Variants in NOL4 observed in about 807,000 individuals in gnomAD.
NOL4 encodes cancer/testis antigen 125.
Under a neutral mutation model 75.9 loss-of-function variants are expected in NOL4, and 17 were observed. The observed-to-expected ratio is 0.22, with a 90% confidence interval of 0.15 to 0.34. NOL4 has a LOEUF of 0.34. Among genes scored for constraint, NOL4 ranks in the 10% least tolerant of loss-of-function variants. The pLI is 1.00. For synonymous variants in NOL4, 292 were observed against 289.9 expected (o/e 1.01, Z -0.07); for missense variants, 614 against 793.5 (o/e 0.77, Z 2.72).
chr18:33,990,120 T>C (rs1394264978), intron 6 of NOL4, among the ~76,000 whole-genome samples: 2 of 152,050 alleles, frequency 1.3e-5, no homozygotes, highest in Non-Finnish European at 2.9e-5. Flanking sequence ...AAGTGTATGA[T>C]GAAAAATCAA....
intron 1 of NOL4, among the ~76,000 whole-genome samples, chr18:34,213,049 G>T (rs1171302412): frequency 6.6e-6 from 1 of 152,050 alleles, no homozygotes; most frequent in East Asian, 1.9e-4. Context: ...ACACTCAAAG[G>T]AGAAGGGATT....
intron 10 of NOL4, among the ~76,000 whole-genome samples, chr18:33,854,637 T>A (rs532839586): frequency 6.6e-6 from 1 of 152,008 alleles, no homozygotes; most frequent in South Asian, 2.1e-4. Flanking sequence ...GTTTTGTTTT[T>A]CTTTATATTT....
intron 10 of NOL4, among the ~76,000 whole-genome samples, chr18:33,868,745 T>G (rs2063553158): frequency 1.3e-5 from 2 of 151,132 alleles, no homozygotes; most frequent in Non-Finnish European, 2.9e-5. Context: ...TTTAAAAACT[T>G]GGGACAATGA....
chr18:33,885,158 T>C (rs1408772336), intron 9 of NOL4, among the ~76,000 whole-genome samples: 9 of 152,202 alleles, frequency 5.9e-5, no homozygotes, highest in African/African-American at 1.9e-4. Context: ...GCATTACTTT[T>C]TTTAAAAAAA....
chr18:34,106,240 C>G (rs1264296719), intron 2 of NOL4, among the ~76,000 whole-genome samples: 1 of 152,006 alleles, frequency 6.6e-6, no homozygotes, highest in Non-Finnish European at 1.5e-5. Context: ...GGTGCTAGTT[C>G]TCTTAGTGGT....
chr18:34,197,911 T>C (rs1464552732), intron 1 of NOL4, among the ~76,000 whole-genome samples: 5 of 151,934 alleles, frequency 3.3e-5, no homozygotes, highest in Non-Finnish European at 7.4e-5. Context: ...TTTTATCATG[T>C]GGGTTGTTAA....
intron 9 of NOL4, among the ~76,000 whole-genome samples, chr18:33,910,915 C>T (rs1198997161): frequency 6.6e-6 from 1 of 152,146 alleles, no homozygotes; most frequent in Non-Finnish European, 1.5e-5. Context: ...CACCTATCTC[C>T]TGGAGACTTC....
intron 2 of NOL4, among the ~76,000 whole-genome samples, chr18:34,128,450 T>C (rs533579452): frequency 1.6e-4 from 24 of 151,980 alleles, no homozygotes; most frequent in Non-Finnish European, 3.1e-4. Context: ...TAGATCAATA[T>C]ACATTTATTT....
intron 6 of NOL4, among the ~76,000 whole-genome samples, chr18:33,966,701 C>G (rs1157833290): frequency 6.6e-6 from 1 of 152,050 alleles, no homozygotes; most frequent in Admixed American, 6.6e-5. Flanking sequence ...AATGTTCAAG[C>G]TGAGAGCCAA....
intron 9 of NOL4, among the ~76,000 whole-genome samples, chr18:33,924,730 T>A (rs2067228543): frequency 6.6e-6 from 1 of 152,190 alleles, no homozygotes. Flanking sequence ...ATTACAATGT[T>A]AGCGGGGAAT....
At chr18:33,948,809 T>A (rs561132738) in intron 8 of NOL4, among the ~76,000 whole-genome samples, 1 of 152,056 alleles carries the variant, frequency 6.6e-6, no homozygotes. Context: ...GTCTCTGCCA[T>A]CATAGAGTTT....
At chr18:34,049,074 G>GCACACA (rs1163959249) in intron 5 of NOL4, among the ~76,000 whole-genome samples, 17 of 64,708 alleles carry the variant, frequency 2.6e-4, no homozygotes, top group Non-Finnish European at 3.3e-4. Context: ...ACAGGCGCGC[G>GCACACA]CACACACACA....
At chr18:34,003,535 C>G (rs2073858030) in intron 6 of NOL4, among the ~76,000 whole-genome samples, 1 of 152,060 alleles carries the variant, frequency 6.6e-6, no homozygotes, top group Non-Finnish European at 1.5e-5. Flanking sequence ...CCACATATTT[C>G]CTGCTGCTGG....
chr18:33,975,189 T>C (rs1239209540), intron 6 of NOL4, among the ~76,000 whole-genome samples: 1 of 152,186 alleles, frequency 6.6e-6, no homozygotes, highest in African/African-American at 2.4e-5. Context: ...GGAATTCTTG[T>C]TTAATGGGTA....
chr18:34,151,325 A>G (rs1208297906), intron 1 of NOL4, among the ~76,000 whole-genome samples: 2 of 151,884 alleles, frequency 1.3e-5, no homozygotes, highest in Non-Finnish European at 2.9e-5. Context: ...GTCCTTCAGT[A>G]GGTGAGTGAA....
chr18:34,005,528 A>C (rs943089132), intron 6 of NOL4, among the ~76,000 whole-genome samples: 1 of 151,994 alleles, frequency 6.6e-6, no homozygotes, highest in Admixed American at 6.6e-5. Flanking sequence ...CTATCAGCCA[A>C]AATTAATGGT....
At chr18:34,222,384 A>G (rs1287866301) in intron 1 of NOL4, 12 of 1,158,710 alleles carry the variant, frequency 1.0e-5, no homozygotes, top group Non-Finnish European at 1.3e-5. Flanking sequence ...CTTATCTACA[A>G]TCTCAACAGT....
intron 9 of NOL4, among the ~76,000 whole-genome samples, chr18:33,891,261 G>A (rs1039222700): frequency 1.3e-5 from 2 of 152,014 alleles, no homozygotes; most frequent in Admixed American, 1.3e-4. Flanking sequence ...GACCTGTAAG[G>A]CTTCTGGGGG....
chr18:34,114,821 G>T (rs1272075953), intron 2 of NOL4, among the ~76,000 whole-genome samples: 1 of 151,888 alleles, frequency 6.6e-6, no homozygotes, highest in Admixed American at 6.6e-5. Flanking sequence ...TGGACCATGG[G>T]TGGCTTATCC....
Sources: gnomAD v4.1 joint callset for allele counts (sites outside exome capture counted in the v4.1 genomes callset) on GRCh38, gnomAD v4.1.1 for gene constraint, MANE v1.5 for transcripts, NCBI Gene and HGNC (gene_info 2026-07-23, HGNC 2026-07-21) for gene names.